The following TTC27 variants were observed in gnomAD, a reference collection of about 807,000 sequenced individuals.
TTC27 encodes tetratricopeptide repeat domain 27.
In TTC27, 79 loss-of-function variants were observed where a neutral mutation model predicts 115.9. That is an observed-to-expected ratio of 0.68 (90% CI 0.57 to 0.82). The LOEUF is 0.82. Ranked by LOEUF, TTC27 falls within the 40% of genes least tolerant of loss-of-function variation. The pLI is 0.00. For missense variants in TTC27, 1,054 were observed against 993.1 expected, an observed-to-expected ratio of 1.06 and a Z score of -0.82; for synonymous variants, 401 against 356.0, an observed-to-expected ratio of 1.13 and a Z score of -1.42.
intron 8 of TTC27, among the ~76,000 whole-genome samples, chr2:32,675,596 C>T (rs570541669): frequency 6.6e-6 from 1 of 152,228 alleles, no homozygotes; most frequent in East Asian, 1.9e-4. Flanking sequence ...AGTTTATAAA[C>T]CTGTGGTTAG....
chr2:32,740,256 C>G (rs1321552342), intron 12 of TTC27, among the ~76,000 whole-genome samples: 1 of 152,084 alleles, frequency 6.6e-6, no homozygotes, highest in Non-Finnish European at 1.5e-5. Flanking sequence ...AGGGTTGGGA[C>G]CTCTCTTGTT....
In TTC27 at chr2:32,628,178, G is replaced by A; in HGVS notation, c.-115G>A. ...TTCTAGGGCCGCAGGTGTATTTACGGTAACTGTCGCCACTAGATTTCAGCG... is the reference window on the plus strand; with the variant it reads ...TTCTAGGGCCGCAGGTGTATTTACGATAACTGTCGCCACTAGATTTCAGCG... On this transcript the variant is annotated 5_prime_UTR_variant, in exon 1 of 20. Coordinates refer to ENST00000317907, the MANE Select transcript of TTC27 (RefSeq NM_017735.5). 4.2e-6 allele frequency: 4 copies of A among 947,060 alleles called. No individual in the cohort carries two copies. Among genetic ancestry groups the A allele is most frequent in the South Asian group, 1.5e-5 (1 of 68,248 alleles). The allele number at this position is 947,060 out of a possible 1,614,324, so 58.7% of individuals were successfully genotyped here. A position where few individuals can be genotyped will look rare whatever the true frequency, so the allele number is the denominator to read the frequency against.
chr2:32,815,351 C>T (rs200713874), intron 18 of TTC27, among the ~76,000 whole-genome samples: 3 of 149,594 alleles, frequency 2.0e-5, no homozygotes, highest in African/African-American at 7.4e-5. Context: ...ATTCTCCTGC[C>T]TCAGCCTCCC....
At chr2:32,646,033 TA>T (rs1427779999) in intron 4 of TTC27, among the ~76,000 whole-genome samples, 4 of 149,528 alleles carry the variant, frequency 2.7e-5, no homozygotes, top group Non-Finnish European at 5.9e-5. Flanking sequence ...TTTTCAATTT[TA>T]ATTTTTTTTT....
At chr2:32,628,739 CTATTTATTTATT>C (rs35823725) in intron 1 of TTC27, among the ~76,000 whole-genome samples, 10,196 of 145,042 alleles carry the variant, frequency 0.07, 491 homozygotes, top group Middle Eastern at 0.11. Flanking sequence ...TTTATTTTAT[CTATTTATTTATT>C]TATTTATTTA....
At chr2:32,789,700 A>G (rs1380785155) in intron 16 of TTC27, among the ~76,000 whole-genome samples, 1 of 151,988 alleles carries the variant, frequency 6.6e-6, no homozygotes, top group Admixed American at 6.6e-5. Context: ...CGGGAAAATT[A>G]CTTGAGCCCA....
At chr2:32,760,660 C>T (rs546376645) in intron 13 of TTC27, among the ~76,000 whole-genome samples, 1 of 152,194 alleles carries the variant, frequency 6.6e-6, no homozygotes, top group East Asian at 1.9e-4. Context: ...TTTTACTTTT[C>T]TGAAAAACTG....
At chr2:32,703,037 G>A in intron 10 of TTC27, 117 bp downstream of exon 10, 1 of 743,976 alleles carries the variant, frequency 1.3e-6, no homozygotes, top group Non-Finnish European at 2.3e-6. Context: ...CAAATAATTT[G>A]TTACTGTTTA....
chr2:32,690,136 G>GA (rs781138268), intron 9 of TTC27, among the ~76,000 whole-genome samples: 2 of 152,152 alleles, frequency 1.3e-5, no homozygotes, highest in East Asian at 3.9e-4. Flanking sequence ...CAATGATGAA[G>GA]AAAAAAACAT....
At chr2:32,650,299 C>G (rs577049282) in intron 5 of TTC27, 66 bp downstream of exon 5, 111 of 1,126,082 alleles carry the variant, frequency 9.9e-5, no homozygotes, top group Admixed American at 1.6e-4. Flanking sequence ...CTGAGATACT[C>G]CTTTTTAGTT....
intron 13 of TTC27, among the ~76,000 whole-genome samples, chr2:32,762,982 G>C (rs1386486186): frequency 1.3e-5 from 2 of 152,192 alleles, no homozygotes; most frequent in Non-Finnish European, 2.9e-5. Flanking sequence ...AGTGTGGGAG[G>C]GGCAATAGGA....
At position 32,698,459 on chromosome 2, in the gene TTC27, T is replaced by TTATTATTATTATTATTATTATTA. The variant is rs1559211219; in HGVS notation, c.1120-4347_1120-4346insATTATTATTATTATTATTATTAT. On this transcript the variant is annotated intron_variant, in intron 9 of 19. Coordinates refer to ENST00000317907, the MANE Select transcript of TTC27 (RefSeq NM_017735.5). ...AGTTATTATTATTATTATTATTATT[T>TTATTATTATTATTATTATTATTA]TTTAGCATTTGGAACATGTTGTCTT... 9.3e-5 allele frequency among the ~76,000 whole-genome samples: 9 copies of TTATTATTATTATTATTATTATTA among 97,030 alleles called. No homozygotes were observed. The East Asian group carries it at 2.9e-3, about 32-fold the overall frequency. The allele number at this position is 97,030 out of a possible 152,430, so 63.7% of individuals were successfully genotyped here. A position where few individuals can be genotyped will look rare whatever the true frequency, so the allele number is the denominator to read the frequency against.
chr2:32,767,607 G>T (rs961755466), intron 13 of TTC27, among the ~76,000 whole-genome samples: 4 of 151,154 alleles, frequency 2.6e-5, no homozygotes, highest in Non-Finnish European at 1.5e-5. Flanking sequence ...GACTACAGGC[G>T]CCCGCCACCG....
Position 32,702,892 on chromosome 2 carries a change from G to A in TTC27, c.1205G>A (p.Arg402Gln), listed in dbSNP as rs374723958. The change falls in exon 10 of 20, where the codon CGA becomes CAA. Residue 402 changes from arginine to glutamine, a missense_variant. Arg to Gln is a conservative substitution (Grantham distance 43). Transcript: ENST00000317907. ...AAACTTGAGAAAGGAAGTACTCGCC[G>A]AGTGGAACGGGCAATGAGGCAGACA... is the stretch of plus-strand genomic sequence containing the variant. ...RTKLEKGSTRRVERAMRQTQA... is the reference protein window; with the variant it reads ...RTKLEKGSTRQVERAMRQTQA... 3.9e-5 allele frequency: 63 copies of A among 1,613,860 alleles called. No homozygotes were observed. Among genetic ancestry groups the A allele is most frequent in the African/African-American group, 9.3e-5 (7 of 74,898 alleles).
intron 16 of TTC27, among the ~76,000 whole-genome samples, chr2:32,810,114 C>CAAAAA (rs60347156): frequency 3.6e-4 from 47 of 130,504 alleles, no homozygotes; most frequent in African/African-American, 9.9e-4. Flanking sequence ...GACTCTGTCT[C>CAAAAA]AAAAAAAAAA....
chr2:32,723,728 C>CCCTCCTTCCTTCCT lies in TTC27; in HGVS notation c.1234-10100_1234-10099insCCTCCTTCCTTCCT, dbSNP rs1553311541. On this transcript the variant is annotated intron_variant, in intron 10 of 19. Transcript: ENST00000317907. ...CCTCCCTCCCTCCCTCCCTCCCTCCCTCCTTCCTTCCTTCCTTCCTTCCTT... is the reference window on the plus strand; with the variant it reads ...CCTCCCTCCCTCCCTCCCTCCCTCCCCCTCCTTCCTTCCTTCCTTCCTTCCTTCCTTCCTTCCTT... Among the ~76,000 whole-genome samples the CCCTCCTTCCTTCCT allele has an allele frequency of 2.7e-4, 8 of 29,530 alleles. No homozygotes were observed. In the South Asian group the frequency reaches 9.7e-3, roughly 36 times the overall value. 19.4% of individuals were successfully genotyped at this position (29,530 alleles called of 152,430 possible).
intron 14 of TTC27, among the ~76,000 whole-genome samples, chr2:32,780,483 A>G (rs146649081): frequency 1.7e-4 from 26 of 152,306 alleles, no homozygotes; most frequent in African/African-American, 6.0e-4. Flanking sequence ...TCTGTTGCTC[A>G]GGCTGAGGTG....
At position 32,704,720 on chromosome 2, in the gene TTC27, T is replaced by C; in HGVS notation, c.1233+1800T>C. 3 of 377,054 alleles carry C rather than the reference T, an allele frequency of 8.0e-6. No individual in the cohort carries two copies. In the East Asian group the frequency reaches 2.2e-4, roughly 28 times the overall value. 23.4% of individuals were successfully genotyped at this position (377,054 alleles called of 1,614,324 possible). A position where few individuals can be genotyped will look rare whatever the true frequency, so the allele number is the denominator to read the frequency against. On this transcript the variant is annotated intron_variant, in intron 10 of 19. Transcript: ENST00000317907. ...CCTTTTTTGACCTTGATGGGTTTGA[T>C]GCTTTTGAAGATTATGGGCTAGTTA...
intron 13 of TTC27, among the ~76,000 whole-genome samples, chr2:32,763,651 G>A (rs1024324667): frequency 2.0e-5 from 3 of 152,180 alleles, no homozygotes; most frequent in East Asian, 1.9e-4. Flanking sequence ...GCTCCTATAC[G>A]AAATAGAGGG....
Sources: allele counts gnomAD v4.1 joint callset (sites outside exome capture counted in the v4.1 genomes callset), GRCh38; gene constraint gnomAD v4.1.1; transcripts MANE v1.5; gene names NCBI Gene and HGNC (gene_info 2026-07-23, HGNC 2026-07-21).